SNX29: variants seen among roughly 807,000 people sequenced by gnomAD.
SNX29 encodes the protein sorting nexin-29.
SNX29 carries 78 observed loss-of-function variants against 102.1 expected under a neutral mutation model. The ratio of observed to expected loss-of-function variants is 0.76; its 90% confidence interval spans 0.64 to 0.92. The LOEUF (loss-of-function observed/expected upper bound fraction) is 0.92, where lower values mean the gene tolerates loss of function less well. Ranked by LOEUF, SNX29 falls within the 40% of genes least tolerant of loss-of-function variation. SNX29 has a pLI of 0.00. For synonymous variants in SNX29, 580 were observed against 414.5 expected, an observed-to-expected ratio of 1.40 and a Z score of -4.85; for missense variants, 1,280 against 1,061.7, an observed-to-expected ratio of 1.21 and a Z score of -2.86.
chr16:11,977,008 G>A (rs1054391452), intron 1 of SNX29, 195 bp downstream of exon 1: 1 of 627,788 alleles, frequency 1.6e-6, no homozygotes, highest in Non-Finnish European at 2.3e-6. Flanking sequence ...CTGATCTCCC[G>A]TGGCGGGGCA....
At chr16:12,544,935 T>G (rs12928698) in intron 20 of SNX29, among the ~76,000 whole-genome samples, 68,002 of 152,102 alleles carry the variant, frequency 0.45, 15,406 homozygotes, top group East Asian at 0.59. Context: ...TCATCCCTTG[T>G]TCACTGTATT....
At position 12,572,758 on chromosome 16, in the gene SNX29, G is replaced by A. The variant is rs913233188; in HGVS notation, c.*4129G>A. 1.2e-5 allele frequency: 13 copies of A among 1,063,888 alleles called. No homozygotes were observed. In the South Asian group the frequency reaches 2.3e-4, roughly 19 times the overall value. The allele number at this position is 1,063,888 out of a possible 1,614,324, so 65.9% of individuals were successfully genotyped here. ...AGGAAGGGCTGGGTTTTCAGCTTCT[G>A]GGACCCGAGGAAGACCCCACCTCAC... On this transcript the variant is annotated 3_prime_UTR_variant, in exon 21 of 21. Coordinates refer to ENST00000566228, the MANE Select transcript of SNX29 (RefSeq NM_032167.5).
At chr16:12,261,226 T>A (rs2078746072) in intron 14 of SNX29, among the ~76,000 whole-genome samples, 1 of 141,606 alleles carries the variant, frequency 7.1e-6, no homozygotes, top group Admixed American at 7.2e-5. Context: ...GGAGTGAGTG[T>A]TTGCTGAGCT....
intron 4 of SNX29, among the ~76,000 whole-genome samples, chr16:12,031,737 G>A (rs778491918): frequency 5.3e-5 from 8 of 151,980 alleles, no homozygotes; most frequent in South Asian, 4.2e-4. Flanking sequence ...CCCGGGAGGC[G>A]GAGCTTGCAG....
At chr16:12,565,223 T>G (rs904182542) in intron 20 of SNX29, among the ~76,000 whole-genome samples, 2 of 152,134 alleles carry the variant, frequency 1.3e-5, no homozygotes, top group African/African-American at 4.8e-5. Context: ...GCATTACCAG[T>G]ATTAGGCTGT....
chr16:11,979,161 G>A (rs986390981), intron 1 of SNX29, among the ~76,000 whole-genome samples: 2 of 148,930 alleles, frequency 1.3e-5, no homozygotes, highest in Non-Finnish European at 3.0e-5. Context: ...TGTAATCGCA[G>A]CTACTCGGGA....
chr16:12,193,326 C>A (rs755647062), intron 13 of SNX29, among the ~76,000 whole-genome samples: 1 of 151,890 alleles, frequency 6.6e-6, no homozygotes, highest in Non-Finnish European at 1.5e-5. Flanking sequence ...AACAATTAGC[C>A]GGGCCTAGTG....
chr16:12,109,127 C>CAAAAAA (rs71139575), intron 11 of SNX29, among the ~76,000 whole-genome samples: 69 of 33,208 alleles, frequency 2.1e-3, no homozygotes, highest in African/African-American at 6.7e-3. Flanking sequence ...GGCGCTGTCT[C>CAAAAAA]AAAAAAAAAA....
chr16:12,222,581 T>C (rs932494177), intron 14 of SNX29, among the ~76,000 whole-genome samples: 5 of 152,138 alleles, frequency 3.3e-5, no homozygotes, highest in African/African-American at 9.7e-5. Flanking sequence ...GCTGTCTTTT[T>C]TCTTTGAGAC....
At position 12,571,493 on chromosome 16, in the gene SNX29, G is replaced by A. The variant is rs926864251; in HGVS notation, c.*2864G>A. On this transcript the variant is annotated 3_prime_UTR_variant, in exon 21 of 21. Coordinates refer to ENST00000566228, the MANE Select transcript of SNX29 (RefSeq NM_032167.5). Reference sequence around the variant, plus strand: ...CCTCCCCTACTCAGAGAGGAACGAGGGTGGCCCACCTCTCAAGGGCCTTGG... The same window carrying A: ...CCTCCCCTACTCAGAGAGGAACGAGAGTGGCCCACCTCTCAAGGGCCTTGG... The A allele has an allele frequency of 3.7e-5, 13 of 354,396 alleles. No homozygotes were observed. The highest frequency in any genetic ancestry group is 9.5e-4 in the Middle Eastern group (1 of 1,052). The allele number at this position is 354,396 out of a possible 1,614,324, so 22.0% of individuals were successfully genotyped here. A position where few individuals can be genotyped will look rare whatever the true frequency, so the allele number is the denominator to read the frequency against.
intron 3 of SNX29, among the ~76,000 whole-genome samples, chr16:12,018,185 T>C (rs2056906484): frequency 2.0e-5 from 3 of 152,216 alleles, no homozygotes; most frequent in Admixed American, 2.0e-4. Flanking sequence ...GTCTTCCCAT[T>C]CAGGAAAATG....
At chr16:12,062,874 C>T (rs575535356) in intron 9 of SNX29, among the ~76,000 whole-genome samples, 1 of 152,158 alleles carries the variant, frequency 6.6e-6, no homozygotes, top group Non-Finnish European at 1.5e-5. Context: ...CGGGGCCAGT[C>T]AGATGCAGTA....
chr16:12,028,814 T>A (rs1186168802), intron 4 of SNX29, among the ~76,000 whole-genome samples: 3 of 152,120 alleles, frequency 2.0e-5, no homozygotes, highest in Non-Finnish European at 4.4e-5. Context: ...AATGGCACCG[T>A]CTTGGCTCAA....
At chr16:12,259,232 G>C (rs1252075194) in intron 14 of SNX29, among the ~76,000 whole-genome samples, 1 of 152,138 alleles carries the variant, frequency 6.6e-6, no homozygotes, top group Non-Finnish European at 1.5e-5. Context: ...CCTTCTCAAC[G>C]TGGGGAAAAA....
At chr16:12,494,300 C>T (rs1302283016) in intron 19 of SNX29, among the ~76,000 whole-genome samples, 3 of 152,186 alleles carry the variant, frequency 2.0e-5, no homozygotes, top group African/African-American at 7.2e-5. Context: ...GCCCCCGTTC[C>T]CTTTGCAGCC....
intron 15 of SNX29, among the ~76,000 whole-genome samples, chr16:12,308,513 G>T (rs943275870): frequency 6.6e-6 from 1 of 152,118 alleles, no homozygotes; most frequent in Admixed American, 6.5e-5. Flanking sequence ...CTCATGCCAG[G>T]TGGGTGCCAT....
intron 15 of SNX29, among the ~76,000 whole-genome samples, chr16:12,352,456 T>G (rs184153930): frequency 6.6e-6 from 1 of 152,236 alleles, no homozygotes; most frequent in Admixed American, 6.5e-5. Context: ...ACATGGCACA[T>G]GTATACATAC....
rs566583341 is a variant in SNX29, at chr16:12,514,502, A to T, written c.2179-10200A>T. On this transcript the variant is annotated intron_variant, in intron 19 of 20. Transcript: ENST00000566228. ...GGGCCAATTCTTGTTTCTACCCCCC[A>T]ACTAAGGAGTTGTGGACCTGGGCGC... Among the ~76,000 whole-genome samples the T allele has an allele frequency of 1.1e-3, 163 of 152,206 alleles. 1 individual carries two copies. The highest frequency in any genetic ancestry group is 2.6e-3 in the Admixed American group (39 of 15,276).
At chr16:12,117,395 G>A (rs1703504) in intron 11 of SNX29, among the ~76,000 whole-genome samples, 2,272 of 35,586 alleles carry the variant, frequency 0.064, 28 homozygotes, top group African/African-American at 0.1. Flanking sequence ...GGAAACAGGC[G>A]TGGTCAATAC....
Sources: gnomAD v4.1 joint callset for allele counts (sites outside exome capture counted in the v4.1 genomes callset) on GRCh38, gnomAD v4.1.1 for gene constraint, MANE v1.5 for transcripts, NCBI Gene and HGNC (gene_info 2026-07-23, HGNC 2026-07-21) for gene names.